Variants in LTBP1 observed in about 807,000 individuals in gnomAD.
The protein encoded by LTBP1 is latent transforming growth factor beta binding protein 1, also known as latent-transforming growth factor beta-binding protein 1.
In LTBP1, 129 loss-of-function variants were observed where a neutral mutation model predicts 207.6. The observed-to-expected ratio is 0.62, with a 90% CI of 0.54 to 0.72. The LOEUF (loss-of-function observed/expected upper bound fraction) is 0.72. Ranked by LOEUF, LTBP1 falls within the 30% of genes least tolerant of loss-of-function variation. The probability of loss-of-function intolerance (pLI) is 0.00; values close to 1 mark genes in which losing one functional copy is unlikely to be tolerated. For synonymous variants in LTBP1, 963 were observed against 833.7 expected (o/e 1.16, Z -2.67); for missense variants, 2,281 against 2,217.2 (o/e 1.03, Z -0.58).
intron 3 of LTBP1, among the ~76,000 whole-genome samples, chr2:33,036,745 A>G (rs566581668): frequency 6.6e-6 from 1 of 152,350 alleles, no homozygotes; most frequent in African/African-American, 2.4e-5. Context: ...GGCGTGAGAC[A>G]CTGTGCCCAG....
intron 3 of LTBP1, among the ~76,000 whole-genome samples, chr2:33,091,787 T>G (rs756247533): frequency 2.0e-5 from 3 of 152,180 alleles, no homozygotes; most frequent in Non-Finnish European, 4.4e-5. Flanking sequence ...TTTCCCAGTC[T>G]TTAGTCCAGT....
chr2:33,049,135 A>G (rs529662989), intron 3 of LTBP1, among the ~76,000 whole-genome samples: 1 of 152,364 alleles, frequency 6.6e-6, no homozygotes, highest in East Asian at 1.9e-4. Context: ...CCATTGTGAC[A>G]TGATTTTCAT....
intron 3 of LTBP1, among the ~76,000 whole-genome samples, chr2:33,100,369 G>T (rs1241429973): frequency 1.3e-5 from 2 of 152,066 alleles, no homozygotes; most frequent in Non-Finnish European, 2.9e-5. Flanking sequence ...TTTGAAATTG[G>T]CTGAGATGAA....
At chr2:33,371,922 G>A (rs141327380) in intron 31 of LTBP1, among the ~76,000 whole-genome samples, 8 of 152,192 alleles carry the variant, frequency 5.3e-5, no homozygotes, top group South Asian at 2.1e-4. Context: ...CACCCAGCAC[G>A]TGGACCATCC....
intron 24 of LTBP1, among the ~76,000 whole-genome samples, chr2:33,330,431 C>G (rs532337447): frequency 5.9e-5 from 9 of 151,702 alleles, no homozygotes; most frequent in African/African-American, 2.2e-4. Context: ...GCTTGCTTGT[C>G]TCTTTCCTGA....
chr2:32,951,314 C>G (rs550106253), intron 2 of LTBP1, among the ~76,000 whole-genome samples: 2 of 152,330 alleles, frequency 1.3e-5, no homozygotes, highest in African/African-American at 4.8e-5. Flanking sequence ...AAACTTAATT[C>G]ACAGCTCTCT....
chr2:33,118,563 T>C (rs1005541266), intron 4 of LTBP1, among the ~76,000 whole-genome samples: 4 of 152,194 alleles, frequency 2.6e-5, no homozygotes, highest in Non-Finnish European at 4.4e-5. Flanking sequence ...TTTCAATGAT[T>C]TCTGGCAAAG....
chr2:33,304,426 C>A (rs1007590692), intron 22 of LTBP1, among the ~76,000 whole-genome samples: 1 of 152,192 alleles, frequency 6.6e-6, no homozygotes, highest in Non-Finnish European at 1.5e-5. Context: ...TATGTTTACA[C>A]GTGTAATTTT....
At chr2:33,346,511 C>T (rs1164709059) in intron 25 of LTBP1, among the ~76,000 whole-genome samples, 1 of 151,728 alleles carries the variant, frequency 6.6e-6, no homozygotes, top group South Asian at 2.1e-4. Context: ...TGGTGAAATC[C>T]TGTCTCTACT....
Position 33,126,135 on chromosome 2 carries a change from C to T in LTBP1, c.1034-8658C>T, listed in dbSNP as rs138442288. Reference sequence around the variant, plus strand: ...CCCGTAGCATGGGAGTTGGCTTCCCCGAGAGTGAGTGATCCAACAGAGACA... The same window carrying T: ...CCCGTAGCATGGGAGTTGGCTTCCCTGAGAGTGAGTGATCCAACAGAGACA... On this transcript the variant is annotated intron_variant, in intron 4 of 33. Coordinates refer to ENST00000404816, the MANE Select transcript of LTBP1 (RefSeq NM_206943.4). Among the ~76,000 whole-genome samples the T allele has an allele frequency of 3.5e-4, 54 of 152,144 alleles. 1 individual carries two copies. In the East Asian group the frequency reaches 9.6e-3, roughly 27 times the overall value.
intron 3 of LTBP1, among the ~76,000 whole-genome samples, chr2:33,043,099 G>A (rs552074761): frequency 7.2e-5 from 11 of 152,306 alleles, no homozygotes; most frequent in South Asian, 2.1e-4. Flanking sequence ...GCTGTGAACC[G>A]CTGTTCTAGA....
In LTBP1 at chr2:33,023,886, G is replaced by A. The variant is rs555551144; in HGVS notation, c.863+2680G>A. 5.9e-5 allele frequency among the ~76,000 whole-genome samples: 9 copies of A among 152,294 alleles called. No homozygotes were observed. The East Asian group carries it at 1.7e-3, about 29-fold the overall frequency. ...CCCACTTTGGCTACTTTTGAGAAAT[G>A]TTACAATCCTTAAGTTATCTTTCAG... On this transcript the variant is annotated intron_variant, in intron 3 of 33. Transcript: ENST00000404816.
intron 3 of LTBP1, among the ~76,000 whole-genome samples, chr2:33,041,512 G>A (rs1162092338): frequency 1.3e-5 from 2 of 152,116 alleles, no homozygotes; most frequent in African/African-American, 2.4e-5. Context: ...TCGAACTCCT[G>A]ACCTTGTGAT....
chr2:33,079,773 T>A lies in LTBP1; in HGVS notation c.864-30809T>A, dbSNP rs567156077. Reference sequence around the variant, plus strand: ...TCAGCCTCCCACCTCCTTTCTGGCTTCTTAGGAAACCTGTCTGTTTTTCTT... The same window carrying A: ...TCAGCCTCCCACCTCCTTTCTGGCTACTTAGGAAACCTGTCTGTTTTTCTT... On this transcript the variant is annotated intron_variant, in intron 3 of 33. Coordinates refer to ENST00000404816, the MANE Select transcript of LTBP1 (RefSeq NM_206943.4). 7.9e-5 allele frequency among the ~76,000 whole-genome samples: 12 copies of A among 152,298 alleles called. No homozygotes were observed. The East Asian group carries it at 2.3e-3, about 29-fold the overall frequency.
At chr2:33,069,705 C>T (rs1248675021) in intron 3 of LTBP1, among the ~76,000 whole-genome samples, 1 of 152,222 alleles carries the variant, frequency 6.6e-6, no homozygotes, top group Non-Finnish European at 1.5e-5. Context: ...GAATGAACAT[C>T]ATGCAGTTTT....
chr2:33,012,277 T>TG (rs1014755034), intron 2 of LTBP1, among the ~76,000 whole-genome samples: 22 of 142,118 alleles, frequency 1.5e-4, no homozygotes, highest in South Asian at 2.5e-4. Context: ...TGGGATGGGG[T>TG]GGGGGGGGCT....
At chr2:33,290,216 T>C (rs1047820993) in intron 19 of LTBP1, among the ~76,000 whole-genome samples, 2 of 152,232 alleles carry the variant, frequency 1.3e-5, no homozygotes. Flanking sequence ...CATTCATCTA[T>C]CTTAATGAAC....
At chr2:33,036,481 G>A (rs1216996934) in intron 3 of LTBP1, among the ~76,000 whole-genome samples, 6 of 150,170 alleles carry the variant, frequency 4.0e-5, no homozygotes, top group Non-Finnish European at 7.4e-5. Context: ...TTTTTGAGAC[G>A]GAGTCTCACT....
At chr2:33,191,141 C>T (rs2087824424) in intron 7 of LTBP1, among the ~76,000 whole-genome samples, 1 of 152,048 alleles carries the variant, frequency 6.6e-6, no homozygotes, top group Admixed American at 6.5e-5. Context: ...ACCTTTCTCC[C>T]CGTTTCCAAG....
Sources: gnomAD v4.1 joint callset for allele counts (sites outside exome capture counted in the v4.1 genomes callset) on GRCh38, gnomAD v4.1.1 for gene constraint, MANE v1.5 for transcripts, NCBI Gene and HGNC (gene_info 2026-07-23, HGNC 2026-07-21) for gene names.